SMAD3: variants seen among roughly 807,000 people sequenced by gnomAD.
The protein encoded by SMAD3 is MAD homolog 3.
SMAD3 carries 12 observed loss-of-function variants against 51.8 expected under a neutral mutation model. That is an observed-to-expected ratio of 0.23 (90% CI 0.15 to 0.38). The LOEUF (loss-of-function observed/expected upper bound fraction) is 0.38. Among genes scored for constraint, SMAD3 ranks in the 10% least tolerant of loss-of-function variants. SMAD3 has a pLI of 1.00. For missense variants in SMAD3, 294 were observed against 565.6 expected (o/e 0.52, Z 4.87); for synonymous variants, 238 against 227.7 (o/e 1.05, Z -0.41).
At position 67,067,730 on chromosome 15, in the gene SMAD3, G is replaced by A. The variant is rs77555223; in HGVS notation, c.206+1370G>A. On this transcript the variant is annotated intron_variant, in intron 1 of 8. Transcript: ENST00000327367. Reference sequence around the variant, plus strand: ...AATTTTTTTTAACTGGGTGGATCCAGTCAATAAAGGGGGAGGGAAGGCGGT... The same window carrying A: ...AATTTTTTTTAACTGGGTGGATCCAATCAATAAAGGGGGAGGGAAGGCGGT... Among the ~76,000 whole-genome samples, 784 of 152,288 alleles carry A rather than the reference G, an allele frequency of 5.1e-3. 3 individuals carry two copies. Among genetic ancestry groups the A allele is most frequent in the African/African-American group, 0.018 (748 of 41,542 alleles).
rs759457287 is a variant in SMAD3 at position 67,181,215 on chromosome 15, C to T, written c.659-26C>T. ...GCATGGGGCTTGGGACACCCAATGA[C>T]CCAGTAGCCCACCCTGTGTCCACAG... On this transcript the variant is annotated intron_variant, in intron 5 of 8. Coordinates refer to ENST00000327367, the MANE Select transcript of SMAD3 (RefSeq NM_005902.4). 14 of 1,597,572 alleles carry T rather than the reference C, an allele frequency of 8.8e-6. No individual in the cohort carries two copies. In the East Asian group the frequency reaches 1.3e-4, roughly 15 times the overall value.
At chr15:67,135,774 G>A (rs998622102) in intron 1 of SMAD3, among the ~76,000 whole-genome samples, 1 of 152,146 alleles carries the variant, frequency 6.6e-6, no homozygotes, top group Non-Finnish European at 1.5e-5. Flanking sequence ...GGGTATGTGT[G>A]TGTGTTTTCA....
intron 1 of SMAD3, among the ~76,000 whole-genome samples, chr15:67,164,678 C>T (rs769182074): frequency 2.8e-4 from 42 of 152,254 alleles, no homozygotes; most frequent in Non-Finnish European, 5.0e-4. Flanking sequence ...GAGGCCCGCT[C>T]TGCCAGCTGG....
chr15:67,090,948 C>T (rs934981124), intron 1 of SMAD3, among the ~76,000 whole-genome samples: 5 of 152,162 alleles, frequency 3.3e-5, no homozygotes, highest in Non-Finnish European at 7.4e-5. Flanking sequence ...TGCAGGGTTG[C>T]GTCTTGAGCT....
At chr15:67,084,678 A>T (rs1468146505) in intron 1 of SMAD3, among the ~76,000 whole-genome samples, 2 of 152,182 alleles carry the variant, frequency 1.3e-5, no homozygotes, top group Non-Finnish European at 2.9e-5. Flanking sequence ...GGAGCGTCCC[A>T]GGGTGAAATG....
At chr15:67,126,518 A>G (rs1961392030) in intron 1 of SMAD3, among the ~76,000 whole-genome samples, 1 of 152,198 alleles carries the variant, frequency 6.6e-6, no homozygotes, top group South Asian at 2.1e-4. Flanking sequence ...CAGGTGGCCC[A>G]GGGGCTGACC....
In SMAD3 at chr15:67,192,800, T is replaced by C. The variant is rs1161221782; in HGVS notation, c.*2264T>C. ...CCTATACTTTGGCAGGTTATGAACT[T>C]TGAATGTGATGAAATGACACGTTTG... On this transcript the variant is annotated 3_prime_UTR_variant, in exon 9 of 9. Transcript: ENST00000327367. The C allele has an allele frequency of 8.6e-6, 2 of 233,170 alleles. No individual in the cohort carries two copies. The highest frequency in any genetic ancestry group is 4.4e-5 in the African/African-American group (2 of 45,330). 14.4% of individuals were successfully genotyped at this position (233,170 alleles called of 1,614,324 possible).
At chr15:67,086,655 A>G (rs1256858078) in intron 1 of SMAD3, among the ~76,000 whole-genome samples, 3 of 152,100 alleles carry the variant, frequency 2.0e-5, no homozygotes, top group African/African-American at 7.2e-5. Flanking sequence ...GTAGGTTGCT[A>G]TTTTCTCAGC....
At chr15:67,170,636 C>T in intron 5 of SMAD3, 32 bp downstream of exon 5, 1 of 1,599,384 alleles carries the variant, frequency 6.3e-7, no homozygotes, top group South Asian at 1.1e-5. Context: ...CAACTGGAAC[C>T]CCCTCTAGCT....
At chr15:67,176,464 C>G (rs1220984481) in intron 5 of SMAD3, among the ~76,000 whole-genome samples, 1 of 152,142 alleles carries the variant, frequency 6.6e-6, no homozygotes, top group African/African-American at 2.4e-5. Context: ...TTTCGTCTTG[C>G]AGCAGCAGTG....
intron 5 of SMAD3, 171 bp downstream of exon 5, chr15:67,170,775 G>T: frequency 1.6e-6 from 1 of 608,840 alleles, no homozygotes; most frequent in Non-Finnish European, 2.9e-6. Context: ...CCACGGAATG[G>T]GGAAACTTGA....
rs56655463 is a variant in SMAD3, at chr15:67,112,325, AT to A, written c.206+45980del. On this transcript the variant is annotated intron_variant, in intron 1 of 8. Transcript: ENST00000327367. ...CCACCACTCCTGGCTAATTTTTTGTATTTTTTTTTTTTTTTAGTAGAGATGA... is the reference window on the plus strand; with the variant it reads ...CCACCACTCCTGGCTAATTTTTTGTATTTTTTTTTTTTTTAGTAGAGATGA... 6.5e-3 allele frequency among the ~76,000 whole-genome samples: 667 copies of A among 102,644 alleles called. 4 individuals are homozygous for A. Among genetic ancestry groups the A allele is most frequent in the African/African-American group, 0.014 (360 of 26,500 alleles). The allele number at this position is 102,644 out of a possible 152,430, so 67.3% of individuals were successfully genotyped here.
At chr15:67,173,025 G>A (rs4776344) in intron 5 of SMAD3, among the ~76,000 whole-genome samples, 33,927 of 152,044 alleles carry the variant, frequency 0.22, 4,935 homozygotes, top group African/African-American at 0.39. Context: ...CATAGCCATC[G>A]AGGGGCTACG....
intron 1 of SMAD3, among the ~76,000 whole-genome samples, chr15:67,109,083 G>A (rs1163450754): frequency 6.6e-6 from 1 of 152,188 alleles, no homozygotes; most frequent in Non-Finnish European, 1.5e-5. Context: ...CACCTAGCAC[G>A]GTGCCTGATA....
intron 1 of SMAD3, among the ~76,000 whole-genome samples, chr15:67,121,794 C>T (rs1448734361): frequency 6.6e-6 from 1 of 152,122 alleles, no homozygotes; most frequent in Non-Finnish European, 1.5e-5. Flanking sequence ...AAAATCTCTA[C>T]TGATAGGACC....
At chr15:67,181,559 A>G (rs1372411878) in intron 6 of SMAD3, 106 bp downstream of exon 6, 2 of 960,834 alleles carry the variant, frequency 2.1e-6, no homozygotes, top group African/African-American at 3.4e-5. Context: ...CCTTGCGTCC[A>G]TCCTTAGCTG....
chr15:67,163,193 T>G (rs965640046), intron 1 of SMAD3, among the ~76,000 whole-genome samples: 3 of 152,088 alleles, frequency 2.0e-5, no homozygotes, highest in Non-Finnish European at 2.9e-5. Flanking sequence ...AGGCTGGTTT[T>G]GAACTCCTGG....
chr15:67,174,871 A>T (rs1215568110), intron 5 of SMAD3, among the ~76,000 whole-genome samples: 1 of 152,228 alleles, frequency 6.6e-6, no homozygotes, highest in Non-Finnish European at 1.5e-5. Flanking sequence ...CCCAGGGCTC[A>T]GGTCTGGGGA....
intron 6 of SMAD3, among the ~76,000 whole-genome samples, chr15:67,182,548 C>T (rs895882043): frequency 6.6e-6 from 1 of 152,160 alleles, no homozygotes; most frequent in Non-Finnish European, 1.5e-5. Flanking sequence ...GGCACCTCTG[C>T]ACTCGCTTGC....
Sources: allele counts gnomAD v4.1 joint callset (sites outside exome capture counted in the v4.1 genomes callset), GRCh38; gene constraint gnomAD v4.1.1; transcripts MANE v1.5; gene names NCBI Gene and HGNC (gene_info 2026-07-23, HGNC 2026-07-21).